Variants in PRKG1 observed in about 807,000 individuals in gnomAD.
PRKG1 encodes cGMP-dependent protein kinase 1.
PRKG1 carries 35 observed loss-of-function variants against 88.1 expected under a neutral mutation model. That is an observed-to-expected ratio of 0.40 (90% CI 0.30 to 0.53). The LOEUF is 0.53. Ranked by LOEUF, PRKG1 falls within the 20% of genes least tolerant of loss-of-function variation. The pLI is 0.59. For missense variants in PRKG1, 540 were observed against 839.8 expected (o/e 0.64, Z 4.41); for synonymous variants, 303 against 292.5 (o/e 1.04, Z -0.37).
In PRKG1 at chr10:51,105,821, A is replaced by C. The variant is rs563690727; in HGVS notation, c.311+30920A>C. On this transcript the variant is annotated intron_variant, in intron 1 of 17. Transcript: ENST00000373980. ...TCATATTGTTTGAGGACACAACATT[A>C]AACATAAACTAAACTTTGAATATGG... Among the ~76,000 whole-genome samples, 74 of 152,358 alleles carry C rather than the reference A, an allele frequency of 4.9e-4. 1 individual carries two copies. The highest frequency in any genetic ancestry group is 1.6e-3 in the Admixed American group (25 of 15,302).
intron 3 of PRKG1, among the ~76,000 whole-genome samples, chr10:51,478,066 A>G (rs768658881): frequency 6.6e-6 from 1 of 151,998 alleles, no homozygotes; most frequent in African/African-American, 2.4e-5. Context: ...GTGTTGTCCC[A>G]TAGTCCTGTT....
At chr10:51,482,065 C>T (rs1840379562) in intron 3 of PRKG1, among the ~76,000 whole-genome samples, 3 of 152,216 alleles carry the variant, frequency 2.0e-5, no homozygotes, top group Admixed American at 2.0e-4. Context: ...AAAAGATGCA[C>T]ACATGATATA....
intron 4 of PRKG1, among the ~76,000 whole-genome samples, chr10:51,877,868 T>A (rs1486692087): frequency 6.6e-6 from 1 of 152,212 alleles, no homozygotes; most frequent in Non-Finnish European, 1.5e-5. Context: ...TTAGAATTAC[T>A]TTTTTAAATG....
intron 5 of PRKG1, among the ~76,000 whole-genome samples, chr10:51,973,511 T>C (rs1843758171): frequency 6.6e-6 from 1 of 152,150 alleles, no homozygotes. Context: ...CTTTCTGACT[T>C]ATTCATCCTG....
chr10:51,074,117 C>T (rs1450226187), upstream of PRKG1, among the ~76,000 whole-genome samples: 1 of 149,688 alleles, frequency 6.7e-6, no homozygotes, highest in African/African-American at 2.5e-5. Context: ...AGCGCTCCCG[C>T]CTCGCTCCAC....
intron 7 of PRKG1, among the ~76,000 whole-genome samples, chr10:52,113,901 G>A (rs1226530075): frequency 6.6e-6 from 1 of 152,088 alleles, no homozygotes; most frequent in Admixed American, 6.6e-5. Flanking sequence ...ATGTAGTTTA[G>A]AGTCTGCAGA....
At chr10:51,278,907 C>T (rs61852079) in intron 2 of PRKG1, among the ~76,000 whole-genome samples, 19,289 of 152,038 alleles carry the variant, frequency 0.13, 1,327 homozygotes, top group East Asian at 0.19. Flanking sequence ...AAAACCAGCT[C>T]CTGGATTCAT....
chr10:51,331,163 A>G (rs530681367), intron 2 of PRKG1, among the ~76,000 whole-genome samples: 8 of 152,198 alleles, frequency 5.3e-5, no homozygotes, highest in African/African-American at 1.9e-4. Flanking sequence ...TGGGACCACT[A>G]CAGCCCACCC....
At chr10:51,888,337 C>G (rs1564693924) in intron 4 of PRKG1, among the ~76,000 whole-genome samples, 2 of 152,190 alleles carry the variant, frequency 1.3e-5, no homozygotes, top group African/African-American at 4.8e-5. Flanking sequence ...CTCTTAAGAA[C>G]AAGGTTATTT....
intron 8 of PRKG1, among the ~76,000 whole-genome samples, chr10:52,134,110 T>G (rs1331456617): frequency 6.6e-6 from 1 of 152,182 alleles, no homozygotes; most frequent in African/African-American, 2.4e-5. Flanking sequence ...AACAAGGTAC[T>G]TAACCACTGT....
chr10:52,079,407 G>A (rs1846711979), intron 7 of PRKG1, among the ~76,000 whole-genome samples: 2 of 151,950 alleles, frequency 1.3e-5, no homozygotes, highest in South Asian at 4.2e-4. Flanking sequence ...CTTCTGCTGT[G>A]CCTCTTCCCT....
intron 1 of PRKG1, among the ~76,000 whole-genome samples, chr10:51,097,309 G>A (rs1259185099): frequency 2.6e-5 from 4 of 152,170 alleles, no homozygotes; most frequent in East Asian, 3.9e-4. Context: ...TGCAACTTCC[G>A]CCCCCTGGGT....
At chr10:51,637,434 A>G (rs979640577) in intron 3 of PRKG1, among the ~76,000 whole-genome samples, 1 of 152,258 alleles carries the variant, frequency 6.6e-6, no homozygotes, top group African/African-American at 2.4e-5. Flanking sequence ...GCTGAAAGGA[A>G]CATAAATCAT....
At chr10:51,005,657 C>T (rs1350170221) in intron 1 of PRKG1, among the ~76,000 whole-genome samples, 1 of 152,168 alleles carries the variant, frequency 6.6e-6, no homozygotes, top group Non-Finnish European at 1.5e-5. Context: ...CTTAGCAGAG[C>T]CGCTTTTGAA....
intron 9 of PRKG1, among the ~76,000 whole-genome samples, chr10:52,175,376 T>G (rs1838833987): frequency 6.6e-6 from 1 of 152,094 alleles, no homozygotes; most frequent in South Asian, 2.1e-4. Flanking sequence ...TCTATATCCA[T>G]TCATCTGTTT....
intron 2 of PRKG1, among the ~76,000 whole-genome samples, chr10:51,366,646 C>T (rs1016287361): frequency 1.3e-5 from 2 of 151,918 alleles, no homozygotes; most frequent in African/African-American, 4.8e-5. Flanking sequence ...CCTTCAAATT[C>T]ATAGAACTAA....
At chr10:51,787,618 T>C (rs913043586) in intron 3 of PRKG1, among the ~76,000 whole-genome samples, 1 of 152,146 alleles carries the variant, frequency 6.6e-6, no homozygotes, top group Non-Finnish European at 1.5e-5. Flanking sequence ...TTCACCTCCA[T>C]TTAGTAAGTA....
At chr10:52,151,357 T>A (rs1837910626) in intron 8 of PRKG1, among the ~76,000 whole-genome samples, 2 of 152,080 alleles carry the variant, frequency 1.3e-5, no homozygotes, top group African/African-American at 4.8e-5. Flanking sequence ...GGAGAAAAAA[T>A]TCACATTTGC....
chr10:52,048,888 GT>G (rs1270773527), intron 5 of PRKG1, among the ~76,000 whole-genome samples: 1 of 151,992 alleles, frequency 6.6e-6, no homozygotes, highest in Non-Finnish European at 1.5e-5. Context: ...CTTCAATCTA[GT>G]TATCTTTCAA....
Sources: allele counts gnomAD v4.1 joint callset (sites outside exome capture counted in the v4.1 genomes callset), GRCh38; gene constraint gnomAD v4.1.1; transcripts MANE v1.5; gene names NCBI Gene and HGNC (gene_info 2026-07-23, HGNC 2026-07-21).